The following SPIDR variants were observed in gnomAD, a reference collection of about 807,000 sequenced individuals.
SPIDR encodes the protein DNA repair-scaffolding protein.
A neutral mutation model predicts 104.6 loss-of-function variants in SPIDR; 93 were observed. That is an observed-to-expected ratio of 0.89 (90% CI 0.75 to 1.06). The LOEUF (loss-of-function observed/expected upper bound fraction) is 1.06, where lower values mean the gene tolerates loss of function less well. SPIDR is among the 50% of genes least tolerant of loss of function. The pLI is 0.00. For synonymous variants in SPIDR, 431 were observed against 416.9 expected (o/e 1.03, Z -0.41); for missense variants, 1,154 against 1,111.2 (o/e 1.04, Z -0.55).
chr8:47,380,449 TG>T (rs1473634649), intron 5 of SPIDR, among the ~76,000 whole-genome samples: 4 of 152,108 alleles, frequency 2.6e-5, no homozygotes, highest in Non-Finnish European at 5.9e-5. Context: ...CTGTTTGCTG[TG>T]GAGCCCCCTG....
intron 5 of SPIDR, among the ~76,000 whole-genome samples, chr8:47,345,128 A>T (rs568147614): frequency 3.9e-5 from 6 of 152,292 alleles, no homozygotes; most frequent in African/African-American, 4.8e-5. Flanking sequence ...CCATCTTGAA[A>T]TAATTTTTAT....
chr8:47,700,533 C>T (rs1234929434), intron 12 of SPIDR, 43 bp downstream of exon 12: 1 of 1,599,018 alleles, frequency 6.3e-7, no homozygotes, highest in Admixed American at 1.7e-5. Context: ...ACAGACTACT[C>T]CATGCCAGGT....
intron 5 of SPIDR, among the ~76,000 whole-genome samples, chr8:47,358,546 T>A (rs2055038180): frequency 6.6e-6 from 1 of 152,178 alleles, no homozygotes; most frequent in African/African-American, 2.4e-5. Flanking sequence ...AACACTAGAT[T>A]TTAAGATTAA....
intron 14 of SPIDR, among the ~76,000 whole-genome samples, chr8:47,703,859 A>T (rs2080688929): frequency 6.6e-6 from 1 of 152,178 alleles, no homozygotes; most frequent in Non-Finnish European, 1.5e-5. Context: ...TACTGAATGC[A>T]CAGTGCGGTG....
At position 47,349,759 on chromosome 8, in the gene SPIDR, C is replaced by T. The variant is rs574784395; in HGVS notation, c.526-46617C>T. Among the ~76,000 whole-genome samples the T allele has an allele frequency of 2.8e-3, 422 of 152,322 alleles. 1 individual carries two copies. The highest frequency in any genetic ancestry group is 9.9e-3 in the African/African-American group (411 of 41,574). On this transcript the variant is annotated intron_variant, in intron 5 of 19. Coordinates refer to ENST00000297423, the MANE Select transcript of SPIDR (RefSeq NM_001080394.4). Reference sequence around the variant, plus strand: ...CTACCAGTGAGCAAGGGTCCGTGGGCGTGGGACCCACTGAGCCCGGCGCGG... The same window carrying T: ...CTACCAGTGAGCAAGGGTCCGTGGGTGTGGGACCCACTGAGCCCGGCGCGG...
At chr8:47,552,597 G>A (rs745524648) in intron 8 of SPIDR, among the ~76,000 whole-genome samples, 4 of 150,002 alleles carry the variant, frequency 2.7e-5, no homozygotes, top group Non-Finnish European at 4.5e-5. Flanking sequence ...CTTTTTTTTT[G>A]TTTTCCATTT....
chr8:47,514,811 C>G (rs889982477), intron 8 of SPIDR, among the ~76,000 whole-genome samples: 1 of 152,110 alleles, frequency 6.6e-6, no homozygotes, highest in East Asian at 1.9e-4. Flanking sequence ...AGGCCAACAC[C>G]CAAAACAGCA....
rs999458126 is a variant in SPIDR at position 47,270,685 on chromosome 8, T to A, written c.34-9177T>A. Among the ~76,000 whole-genome samples, 357 of 152,272 alleles carry A rather than the reference T, an allele frequency of 2.3e-3. 1 individual carries two copies. The highest frequency in any genetic ancestry group is 8.3e-3 in the African/African-American group (347 of 41,564). On this transcript the variant is annotated intron_variant, in intron 1 of 19. Transcript: ENST00000297423. The stretch of plus-strand genomic sequence containing the variant: ...TATTGACTAAAGATTTTTCTTCTTT[T>A]TAAATGTAGTCATTTACAGCTACAG...
chr8:47,575,611 C>A (rs1392488164), intron 8 of SPIDR, among the ~76,000 whole-genome samples: 1 of 140,126 alleles, frequency 7.1e-6, no homozygotes, highest in African/African-American at 2.7e-5. Flanking sequence ...CGCGCCACTG[C>A]ACTCCAGCCT....
At chr8:47,511,711 C>A in intron 8 of SPIDR, 1 of 1,115,030 alleles carries the variant, frequency 9.0e-7, no homozygotes, top group South Asian at 1.2e-5. Flanking sequence ...TCTTGGTGTA[C>A]TGGTCTCTCC....
At chr8:47,282,388 G>T (rs2037966573) in intron 2 of SPIDR, among the ~76,000 whole-genome samples, 1 of 152,216 alleles carries the variant, frequency 6.6e-6, no homozygotes. Flanking sequence ...CATCTATATT[G>T]AAAGTCTGTT....
At chr8:47,309,692 A>G (rs1295221359) in intron 5 of SPIDR, among the ~76,000 whole-genome samples, 1 of 152,210 alleles carries the variant, frequency 6.6e-6, no homozygotes, top group East Asian at 1.9e-4. Context: ...AAGAAGGACT[A>G]TAACAGAAAA....
intron 9 of SPIDR, among the ~76,000 whole-genome samples, chr8:47,597,243 T>C (rs2061724621): frequency 6.6e-6 from 1 of 152,126 alleles, no homozygotes. Context: ...TACTTTAAGT[T>C]TTAGGGTACA....
At chr8:47,677,398 C>T (rs950747370) in intron 11 of SPIDR, among the ~76,000 whole-genome samples, 2 of 152,170 alleles carry the variant, frequency 1.3e-5, no homozygotes, top group African/African-American at 4.8e-5. Context: ...CTATAGCTAA[C>T]AAATTATTTT....
At chr8:47,673,738 A>G (rs1451104709) in intron 10 of SPIDR, 63 bp from the exon 11 acceptor site, 7 of 1,610,014 alleles carry the variant, frequency 4.3e-6, no homozygotes, top group Admixed American at 1.7e-5. Flanking sequence ...GAAGAGGGAA[A>G]TCTTGATCTC....
intron 5 of SPIDR, among the ~76,000 whole-genome samples, chr8:47,345,365 G>C (rs1339793907): frequency 1.3e-5 from 2 of 152,170 alleles, no homozygotes; most frequent in East Asian, 1.9e-4. Flanking sequence ...GGTTACTGTA[G>C]CCTTGTAGTA....
intron 8 of SPIDR, among the ~76,000 whole-genome samples, chr8:47,505,192 T>C (rs2081277864): frequency 6.6e-6 from 1 of 152,164 alleles, no homozygotes; most frequent in East Asian, 1.9e-4. Context: ...TGCAAAGGAT[T>C]CTGCTGTCTT....
At chr8:47,699,751 C>T (rs1197518060) in intron 11 of SPIDR, among the ~76,000 whole-genome samples, 1 of 152,192 alleles carries the variant, frequency 6.6e-6, no homozygotes, top group Admixed American at 6.5e-5. Context: ...GACAGGGTTT[C>T]ACCATGTTGG....
intron 1 of SPIDR, among the ~76,000 whole-genome samples, chr8:47,278,988 G>A (rs2037165032): frequency 6.6e-6 from 1 of 151,734 alleles, no homozygotes; most frequent in South Asian, 2.1e-4. Context: ...CTGGGCTCAA[G>A]CGATCCTCCT....
Sources: gnomAD v4.1 joint callset for allele counts (sites outside exome capture counted in the v4.1 genomes callset) on GRCh38, gnomAD v4.1.1 for gene constraint, MANE v1.5 for transcripts, NCBI Gene and HGNC (gene_info 2026-07-23, HGNC 2026-07-21) for gene names.